COL11A1: variants seen among roughly 807,000 people sequenced by gnomAD.
COL11A1 encodes the protein collagen alpha-1(XI) chain.
A neutral mutation model predicts 265.2 loss-of-function variants in COL11A1; 74 were observed. The observed-to-expected ratio is 0.28, with a 90% CI of 0.23 to 0.34. COL11A1 has a LOEUF of 0.34. Among genes scored for constraint, COL11A1 ranks in the 10% least tolerant of loss-of-function variants. COL11A1 has a pLI of 1.00. For missense variants in COL11A1, 2,165 were observed against 2,263.6 expected (o/e 0.96, Z 0.88); for synonymous variants, 816 against 727.6 (o/e 1.12, Z -1.96).
intron 57 of COL11A1, among the ~76,000 whole-genome samples, chr1:102,897,568 C>T (rs901045740): frequency 1.3e-5 from 2 of 152,088 alleles, no homozygotes; most frequent in Non-Finnish European, 2.9e-5. Context: ...ATAAACTCCA[C>T]CTATGAATAG....
At chr1:103,092,743 CT>C (rs1673426489) in intron 1 of COL11A1, among the ~76,000 whole-genome samples, 1 of 152,046 alleles carries the variant, frequency 6.6e-6, no homozygotes, top group African/African-American at 2.4e-5. Context: ...TTCTTGTGTG[CT>C]TTTCATCACA....
chr1:102,962,673 C>G lies in COL11A1; in HGVS notation c.3004G>C (p.Ala1002Pro). 6.2e-7 allele frequency: 1 copy of G among 1,614,068 alleles called. No individual in the cohort carries two copies. Among genetic ancestry groups the G allele is most frequent in the Non-Finnish European group, 8.5e-7 (1 of 1,179,978 alleles). Reference sequence around the variant, plus strand: ...TGTACCTTTGCACCTTCTTTTCCTGCAGCACCAGGAAGACCTTGCTCACCA... The same window carrying G: ...TGTACCTTTGCACCTTCTTTTCCTGGAGCACCAGGAAGACCTTGCTCACCA... Reference protein sequence around the residue: ...PPGEQGLPGAAGKEGAKGDPG... With the variant: ...PPGEQGLPGAPGKEGAKGDPG... The change falls in exon 39 of 67, where the codon GCA becomes CCA. Residue 1002 changes from alanine to proline, a missense_variant. By Grantham distance (27) the Ala-to-Pro change is conservative. Transcript: ENST00000370096.
At chr1:102,961,459 G>T (rs558509746) in intron 41 of COL11A1, among the ~76,000 whole-genome samples, 354 of 152,042 alleles carry the variant, frequency 2.3e-3, no homozygotes, top group Non-Finnish European at 4.1e-3. Flanking sequence ...TATAATAAAT[G>T]AATGATAGAA....
intron 1 of COL11A1, among the ~76,000 whole-genome samples, chr1:103,093,928 G>A (rs1397480310): frequency 6.6e-6 from 1 of 152,088 alleles, no homozygotes; most frequent in Non-Finnish European, 1.5e-5. Context: ...GGAAGAGAAC[G>A]CTGATAGAAA....
intron 4 of COL11A1, among the ~76,000 whole-genome samples, chr1:103,046,875 T>C (rs984012017): frequency 3.3e-5 from 5 of 152,086 alleles, no homozygotes; most frequent in African/African-American, 1.2e-4. Flanking sequence ...CCTTTCCCCA[T>C]TGCTTGTTTT....
At chr1:103,024,218 CT>C (rs1461773397) in intron 7 of COL11A1, among the ~76,000 whole-genome samples, 1 of 152,136 alleles carries the variant, frequency 6.6e-6, no homozygotes, top group Non-Finnish European at 1.5e-5. Context: ...CCTGGGACTC[CT>C]GGGCTTACAT....
chr1:103,051,175 G>A (rs558544466), intron 4 of COL11A1, among the ~76,000 whole-genome samples: 1 of 152,298 alleles, frequency 6.6e-6, no homozygotes, highest in South Asian at 2.1e-4. Flanking sequence ...CTGTCTTTTT[G>A]TTTGTCTGTG....
intron 44 of COL11A1, among the ~76,000 whole-genome samples, chr1:102,938,172 G>A (rs957455755): frequency 4.0e-5 from 6 of 151,832 alleles, no homozygotes; most frequent in Admixed American, 1.3e-4. Context: ...TCTTCTTTCC[G>A]TTATGTGTTA....
chr1:102,986,864 G>A (rs1354035685), intron 30 of COL11A1, among the ~76,000 whole-genome samples: 1 of 152,124 alleles, frequency 6.6e-6, no homozygotes, highest in Non-Finnish European at 1.5e-5. Flanking sequence ...ATCTGGGGAT[G>A]TTTTAAAACA....
At chr1:102,898,628 T>C (rs1426932597) in intron 56 of COL11A1, 38 bp downstream of exon 56, 2 of 1,557,986 alleles carry the variant, frequency 1.3e-6, no homozygotes, top group Middle Eastern at 1.8e-4. Flanking sequence ...ATAAAAATGT[T>C]ATTTTCAAAA....
chr1:103,064,914 GAGAA>G (rs527990602), intron 4 of COL11A1, among the ~76,000 whole-genome samples: 48 of 151,826 alleles, frequency 3.2e-4, no homozygotes, highest in African/African-American at 9.9e-4. Context: ...AGATTAGGTA[GAGAA>G]AGAAAGATTT....
intron 14 of COL11A1, among the ~76,000 whole-genome samples, chr1:103,009,071 C>T (rs553236759): frequency 0.024 from 3,585 of 152,042 alleles, 55 homozygotes; most frequent in Middle Eastern, 0.075. Context: ...TTTGTTTTTT[C>T]CCATGAGAAT....
rs12563371 is a variant in COL11A1, at chr1:103,034,199, A to G, written c.652-2955T>C. ...TGGATGTAGATTTTACAAGTTTATC[A>G]GATTAAGTTGTTGAGAGTCTTGACC... On this transcript the variant is annotated intron_variant, in intron 4 of 66. Coordinates refer to ENST00000370096, the MANE Select transcript of COL11A1 (RefSeq NM_001854.4). Among the ~76,000 whole-genome samples, 169 of 152,250 alleles carry G rather than the reference A, an allele frequency of 1.1e-3. 4 individuals are homozygous for G. In the East Asian group the frequency reaches 0.028, roughly 25 times the overall value.
rs1475376265 is a variant in COL11A1, at chr1:102,878,137, A to G, written c.5303T>C (p.Ile1768Thr). Residue 1768 changes from isoleucine (I) to threonine (T), a missense_variant, in exon 67 of 67, where the codon ATT becomes ACT. Physicochemically the swap from Ile to Thr is moderately conservative, Grantham distance 89. Transcript: ENST00000370096. ...ASRKGYEKTV[I>T]EINTPKIDQV... ...ATCAATTTTTGGTGTATTGATTTCA[A>G]TGACAGTCTTTTCATAGCCTTTTCT... 1.2e-6 allele frequency: 2 copies of G among 1,613,050 alleles called. No homozygotes were observed. The highest frequency in any genetic ancestry group is 1.3e-5 in the African/African-American group (1 of 75,002).
In COL11A1 at chr1:102,978,835, C is replaced by G. The variant is rs758430988; in HGVS notation, c.2709+25G>C. On this transcript the variant is annotated intron_variant, in intron 34 of 66. Coordinates refer to ENST00000370096, the MANE Select transcript of COL11A1 (RefSeq NM_001854.4). ...TGGAAAAAAAATCTACAGTAACATC[C>G]AAACAGAAAAAGTACAGGTGATACC... 4.3e-6 allele frequency: 7 copies of G among 1,613,898 alleles called. No individual in the cohort carries two copies. The South Asian group carries it at 7.7e-5, about 18-fold the overall frequency.
At chr1:102,947,107 T>C (rs1379756165) in intron 41 of COL11A1, 151 bp from the exon 42 acceptor site, 1 of 719,668 alleles carries the variant, frequency 1.4e-6, no homozygotes, top group Non-Finnish European at 2.4e-6. Context: ...AGAGAAACAG[T>C]TGAATCCACT....
At chr1:103,026,170 G>T in intron 6 of COL11A1, 46 bp downstream of exon 6, 1 of 1,372,900 alleles carries the variant, frequency 7.3e-7, no homozygotes, top group South Asian at 1.2e-5. Flanking sequence ...ACCACAGGAT[G>T]ACGAACAGCA....
In COL11A1 at chr1:102,939,032, C is replaced by T; in HGVS notation, c.3438+3G>A. The T allele has an allele frequency of 6.2e-7, 1 of 1,613,248 alleles. No homozygotes were observed. Among genetic ancestry groups the T allele is most frequent in the Non-Finnish European group, 8.5e-7 (1 of 1,179,378 alleles). ...TTCTCTCAGTAAGAAGTAGGAAACT[C>T]ACATTTTCTCCCTTGTCACCCTTGC... On this transcript the variant is annotated splice_donor_region_variant and intron_variant, in intron 44 of 66. Transcript: ENST00000370096.
intron 44 of COL11A1, among the ~76,000 whole-genome samples, chr1:102,938,343 T>C (rs1658362821): frequency 1.3e-5 from 2 of 151,550 alleles, no homozygotes; most frequent in South Asian, 2.1e-4. Flanking sequence ...CCCCAATTTA[T>C]GTTTCTATCA....
Sources: gnomAD v4.1 joint callset for allele counts (sites outside exome capture counted in the v4.1 genomes callset) on GRCh38, gnomAD v4.1.1 for gene constraint, MANE v1.5 for transcripts, NCBI Gene and HGNC (gene_info 2026-07-23, HGNC 2026-07-21) for gene names.